The following VAPB variants were observed in gnomAD, a reference collection of about 807,000 sequenced individuals.
VAPB encodes vesicle-associated membrane protein-associated protein B/C.
In VAPB, 7 loss-of-function variants were observed where a neutral mutation model predicts 25.6. That is an observed-to-expected ratio of 0.27 (90% CI 0.16 to 0.51). The LOEUF (loss-of-function observed/expected upper bound fraction) is 0.51, where lower values mean the gene tolerates loss of function less well. Ranked by LOEUF, VAPB falls within the 20% of genes least tolerant of loss-of-function variation. VAPB has a pLI of 0.97. For synonymous variants in VAPB, 112 were observed against 109.2 expected, an observed-to-expected ratio of 1.03 and a Z score of -0.16; for missense variants, 266 against 301.3, an observed-to-expected ratio of 0.88 and a Z score of 0.87.
In VAPB at chr20:58,448,807, T is replaced by G. The variant is rs750992895; in HGVS notation, c.*4572T>G. On this transcript the variant is annotated 3_prime_UTR_variant, in exon 6 of 6. Transcript: ENST00000475243. ...GAAAAAAGGTACATATTCCATTTTC[T>G]CATTGCCTGAAGATCTCTGCTGATG... 8 of 454,138 alleles carry G rather than the reference T, an allele frequency of 1.8e-5. No individual in the cohort carries two copies. The highest frequency in any genetic ancestry group is 1.2e-4 in the South Asian group (8 of 64,478). 28.1% of individuals were successfully genotyped at this position (454,138 alleles called of 1,614,324 possible).
Position 58,449,799 on chromosome 20 carries a change from G to A in VAPB, c.*5564G>A, listed in dbSNP as rs1369587601. The A allele has an allele frequency of 1.3e-5, 6 of 454,094 alleles. No homozygotes were observed. Among genetic ancestry groups the A allele is most frequent in the Non-Finnish European group, 2.6e-5 (6 of 226,758 alleles). 28.1% of individuals were successfully genotyped at this position (454,094 alleles called of 1,614,324 possible). A position where few individuals can be genotyped will look rare whatever the true frequency, so the allele number is the denominator to read the frequency against. On this transcript the variant is annotated 3_prime_UTR_variant, in exon 6 of 6. Coordinates refer to ENST00000475243, the MANE Select transcript of VAPB (RefSeq NM_004738.5). ...GGATGTGGGTGCAGGACAGATGCTC[G>A]CTTGCTGGCCTGCTTTCCTGCTTGC...
chr20:58,428,950 A>T lies in VAPB; in HGVS notation c.212-5652A>T, dbSNP rs868820621. 1.1e-4 allele frequency among the ~76,000 whole-genome samples: 16 copies of T among 152,280 alleles called. No individual in the cohort carries two copies. In the South Asian group the frequency reaches 3.3e-3, roughly 32 times the overall value. On this transcript the variant is annotated intron_variant, in intron 2 of 5. Coordinates refer to ENST00000475243, the MANE Select transcript of VAPB (RefSeq NM_004738.5). ...CCCAAGTCCTCACTGTGGCTGGCTGATGTAGGAGCCCACAAGCCAAGGAGA... is the reference window on the plus strand; with the variant it reads ...CCCAAGTCCTCACTGTGGCTGGCTGTTGTAGGAGCCCACAAGCCAAGGAGA...
At position 58,445,500 on chromosome 20, in the gene VAPB, G is replaced by T. The variant is rs7400; in HGVS notation, c.*1265G>T. 2 of 454,290 alleles carry T rather than the reference G, an allele frequency of 4.4e-6. No homozygotes were observed. Among genetic ancestry groups the T allele is most frequent in the East Asian group, 1.4e-4 (2 of 14,396 alleles). The allele number at this position is 454,290 out of a possible 1,614,324, so 28.1% of individuals were successfully genotyped here. ...ATAAAAGACCAACCCAGTTCTGTTT[G>T]ACTATGTAGCATCTTGAAAAGAAAA... On this transcript the variant is annotated 3_prime_UTR_variant, in exon 6 of 6. Transcript: ENST00000475243.
intron 1 of VAPB, among the ~76,000 whole-genome samples, chr20:58,401,464 A>G (rs1988093925): frequency 6.6e-6 from 1 of 151,696 alleles, no homozygotes; most frequent in Admixed American, 6.6e-5. Flanking sequence ...TCATCACTAC[A>G]TCTCCCATTG....
chr20:58,399,331 A>C (rs1209345288), intron 1 of VAPB, among the ~76,000 whole-genome samples: 1 of 151,592 alleles, frequency 6.6e-6, no homozygotes, highest in African/African-American at 2.4e-5. Flanking sequence ...AAGAAAGAAA[A>C]AGTGCCTTAT....
At chr20:58,396,006 T>G (rs1406877974) in intron 1 of VAPB, among the ~76,000 whole-genome samples, 1 of 152,236 alleles carries the variant, frequency 6.6e-6, no homozygotes, top group Non-Finnish European at 1.5e-5. Flanking sequence ...TGTTGATGTC[T>G]ACAAACACTG....
intron 2 of VAPB, among the ~76,000 whole-genome samples, chr20:58,423,138 G>A (rs765725184): frequency 6.6e-6 from 1 of 152,066 alleles, no homozygotes; most frequent in Non-Finnish European, 1.5e-5. Context: ...ACAGCCAGGT[G>A]CAGTGGCTTA....
intron 2 of VAPB, among the ~76,000 whole-genome samples, chr20:58,421,288 A>G (rs1294818409): frequency 6.6e-6 from 1 of 152,244 alleles, no homozygotes; most frequent in Non-Finnish European, 1.5e-5. Flanking sequence ...GTACATTTGT[A>G]CGTTCGTTGT....
Position 58,444,879 on chromosome 20 carries a change from C to T in VAPB, c.*644C>T. On this transcript the variant is annotated 3_prime_UTR_variant, in exon 6 of 6. Coordinates refer to ENST00000475243, the MANE Select transcript of VAPB (RefSeq NM_004738.5). ...CAGTGCTTTGTTCACTTAAAGGGAC[C>T]AAGCTAAATTTGTATTGGTTCATGT... 1 of 454,576 alleles carries T rather than the reference C, an allele frequency of 2.2e-6. No individual in the cohort carries two copies. Among genetic ancestry groups the T allele is most frequent in the South Asian group, 1.6e-5 (1 of 64,484 alleles). The allele number at this position is 454,576 out of a possible 1,614,324, so 28.2% of individuals were successfully genotyped here.
At chr20:58,442,949 A>C (rs1297502152) in intron 5 of VAPB, among the ~76,000 whole-genome samples, 1 of 152,234 alleles carries the variant, frequency 6.6e-6, no homozygotes, top group Non-Finnish European at 1.5e-5. Context: ...GGTAATTAGC[A>C]AGAGATCTAT....
intron 2 of VAPB, among the ~76,000 whole-genome samples, chr20:58,427,464 A>T (rs1988822562): frequency 6.6e-6 from 1 of 151,886 alleles, no homozygotes; most frequent in African/African-American, 2.4e-5. Context: ...TACCATTATG[A>T]TGCAGGTGAA....
intron 1 of VAPB, among the ~76,000 whole-genome samples, chr20:58,390,967 C>T (rs1987781393): frequency 1.3e-5 from 2 of 152,080 alleles, no homozygotes; most frequent in African/African-American, 4.8e-5. Flanking sequence ...ATGAAAAAAC[C>T]GAAAAACCCC....
At chr20:58,426,135 A>G (rs1246462526) in intron 2 of VAPB, among the ~76,000 whole-genome samples, 4 of 152,160 alleles carry the variant, frequency 2.6e-5, no homozygotes, top group Non-Finnish European at 5.9e-5. Flanking sequence ...GCCTCAAGTG[A>G]TCTGCCTACC....
intron 1 of VAPB, among the ~76,000 whole-genome samples, chr20:58,413,175 A>G (rs1988423353): frequency 7.9e-6 from 1 of 126,012 alleles, no homozygotes; most frequent in Admixed American, 7.9e-5. Context: ...TTTATTGATA[A>G]TTCTTGGGTG....
At chr20:58,420,260 C>T (rs180875336) in intron 2 of VAPB, among the ~76,000 whole-genome samples, 2 of 152,320 alleles carry the variant, frequency 1.3e-5, no homozygotes, top group Admixed American at 1.3e-4. Flanking sequence ...GCTGGGATTA[C>T]AGGCGTGAGC....
At chr20:58,419,348 C>G (rs1988618763) in intron 2 of VAPB, among the ~76,000 whole-genome samples, 1 of 152,056 alleles carries the variant, frequency 6.6e-6, no homozygotes, top group Non-Finnish European at 1.5e-5. Context: ...TGCATCTCGT[C>G]TCTCTCATTA....
At chr20:58,408,182 AG>A (rs1302798380) in intron 1 of VAPB, among the ~76,000 whole-genome samples, 1 of 152,184 alleles carries the variant, frequency 6.6e-6, no homozygotes. Context: ...TGGCATCATC[AG>A]TGAGAGTTCT....
In VAPB at chr20:58,444,232, G is replaced by A; in HGVS notation, c.729G>A (p.Leu243=). The change falls in exon 6 of 6, where the codon TTG becomes TTA. Residue 243 remains leucine (L), a synonymous_variant. Coordinates refer to ENST00000475243, the MANE Select transcript of VAPB (RefSeq NM_004738.5). Reference sequence around the variant, plus strand: ...GTGTAATTATTGGGAAGATTGCCTTGTAGAGGTAGCATGCACAGGATGGTA... The same window carrying A: ...GTGTAATTATTGGGAAGATTGCCTTATAGAGGTAGCATGCACAGGATGGTA... ...IVGVIIGKIA[L] is the part of the protein sequence containing the mutation. 1 of 1,614,184 alleles carries A rather than the reference G, an allele frequency of 6.2e-7. No individual in the cohort carries two copies. Among genetic ancestry groups the A allele is most frequent in the Middle Eastern group, 1.6e-4 (1 of 6,062 alleles).
chr20:58,391,540 T>G (rs1485615147), intron 1 of VAPB, among the ~76,000 whole-genome samples: 5 of 152,122 alleles, frequency 3.3e-5, no homozygotes, highest in South Asian at 2.1e-4. Context: ...ACTAGTAGTT[T>G]TTTTTTTTTT....
Sources: allele counts gnomAD v4.1 joint callset (sites outside exome capture counted in the v4.1 genomes callset), GRCh38; gene constraint gnomAD v4.1.1; transcripts MANE v1.5; gene names NCBI Gene and HGNC (gene_info 2026-07-23, HGNC 2026-07-21).